Variants in TTLL5 observed in about 807,000 individuals in gnomAD.
TTLL5 encodes the protein tubulin tyrosine ligase like 5, also known as tubulin polyglutamylase TTLL5.
A neutral mutation model predicts 168.4 loss-of-function variants in TTLL5; 132 were observed. That is an observed-to-expected ratio of 0.78 (90% CI 0.68 to 0.91). The LOEUF (loss-of-function observed/expected upper bound fraction) is 0.91. TTLL5 is among the 40% of genes least tolerant of loss of function. The pLI is 0.00. For synonymous variants in TTLL5, 546 were observed against 558.6 expected (o/e 0.98, Z 0.32); for missense variants, 1,545 against 1,581.5 (o/e 0.98, Z 0.39).
At chr14:75,770,987 T>A (rs185879150) in intron 20 of TTLL5, among the ~76,000 whole-genome samples, 1 of 152,244 alleles carries the variant, frequency 6.6e-6, no homozygotes, top group Non-Finnish European at 1.5e-5. Flanking sequence ...TAATTGCCAT[T>A]GCAAAATCCA....
At chr14:75,897,430 T>C (rs1391724316) in intron 30 of TTLL5, among the ~76,000 whole-genome samples, 1 of 152,180 alleles carries the variant, frequency 6.6e-6, no homozygotes, top group Non-Finnish European at 1.5e-5. Flanking sequence ...AATCAGGCAG[T>C]GTGCTCTTAA....
rs769130141 is a variant in TTLL5, at chr14:75,793,097, A to G, written c.3168A>G (p.Gln1056=). 1 of 1,608,252 alleles carries G rather than the reference A, an allele frequency of 6.2e-7. No individual in the cohort carries two copies. The highest frequency in any genetic ancestry group is 8.5e-7 in the Non-Finnish European group (1 of 1,176,566). ...SPSSHINLLT[Q]QVTNLNLATG... is the part of the protein sequence containing the mutation. ...CCAGCCACATCAACCTCCTCACCCA[A>G]CAGGTACGGATGGTCTGGGGTGTCC... Residue 1056 remains glutamine, a synonymous_variant, in exon 27 of 32, where the codon CAA becomes CAG. Transcript: ENST00000298832.
intron 28 of TTLL5, among the ~76,000 whole-genome samples, chr14:75,854,868 C>A (rs558095996): frequency 7.9e-5 from 12 of 152,202 alleles, no homozygotes; most frequent in Non-Finnish European, 1.8e-4. Context: ...TCAACAGTTA[C>A]CAATAGGGCA....
chr14:75,902,680 G>A (rs994975930), intron 31 of TTLL5: 9 of 454,058 alleles, frequency 2.0e-5, no homozygotes, highest in Middle Eastern at 3.3e-4. Context: ...TTTGATCTAC[G>A]TGTTGTGCTA....
intron 15 of TTLL5, among the ~76,000 whole-genome samples, chr14:75,743,667 C>T (rs1023366685): frequency 9.4e-5 from 14 of 148,676 alleles, no homozygotes; most frequent in Non-Finnish European, 1.5e-4. Context: ...CTGCATGCTC[C>T]GCCTCCTGGG....
At chr14:75,912,701 T>A (rs13379297) in intron 31 of TTLL5, among the ~76,000 whole-genome samples, 1 of 152,280 alleles carries the variant, frequency 6.6e-6, no homozygotes, top group Admixed American at 6.5e-5. Flanking sequence ...TTCCTAGTAT[T>A]GGTTCTAAAG....
chr14:75,766,321 G>A lies in TTLL5; in HGVS notation c.1968G>A (p.Glu656=), dbSNP rs1200293120. 3 of 1,613,688 alleles carry A rather than the reference G, an allele frequency of 1.9e-6. No homozygotes were observed. The highest frequency in any genetic ancestry group is 2.2e-5 in the East Asian group (1 of 44,882). The change falls in exon 20 of 32, where the codon GAG becomes GAA. Residue 656 remains glutamate, a synonymous_variant. Transcript: ENST00000298832. Reference sequence around the variant, plus strand: ...GCAAACTTGAGACTCAGGAGCTAGAGCCTAAATTTAACCTGATGCAGATTC... The same window carrying A: ...GCAAACTTGAGACTCAGGAGCTAGAACCTAAATTTAACCTGATGCAGATTC... The part of the protein sequence containing the change: ...HCCKLETQEL[E]PKFNLMQILQ...
chr14:75,892,502 A>AGGAGACATTTGGCAATATCT (rs1374548026), intron 30 of TTLL5, among the ~76,000 whole-genome samples: 1 of 152,212 alleles, frequency 6.6e-6, no homozygotes, highest in Non-Finnish European at 1.5e-5. Context: ...TTTCCCCCCC[A>AGGAGACATTTGGCAATATCT]GGAGACATTT....
intron 28 of TTLL5, among the ~76,000 whole-genome samples, chr14:75,849,810 T>C (rs1308509334): frequency 1.3e-5 from 2 of 152,226 alleles, no homozygotes; most frequent in South Asian, 2.1e-4. Flanking sequence ...TTAAGAATAT[T>C]TGGTGACTGG....
chr14:75,739,744 A>G (rs1566583063), intron 15 of TTLL5, among the ~76,000 whole-genome samples: 1 of 152,184 alleles, frequency 6.6e-6, no homozygotes, highest in Non-Finnish European at 1.5e-5. Flanking sequence ...TGGGGATAAT[A>G]ATATATACAT....
intron 9 of TTLL5, among the ~76,000 whole-genome samples, chr14:75,715,105 G>T (rs1340953722): frequency 6.6e-6 from 1 of 151,770 alleles, no homozygotes; most frequent in Non-Finnish European, 1.5e-5. Context: ...TTATTTATTT[G>T]CTCAATTCCT....
chr14:75,924,147 CACACTGATGGGTCTTG>C (rs1369573116), intron 31 of TTLL5, among the ~76,000 whole-genome samples: 1 of 151,586 alleles, frequency 6.6e-6, no homozygotes, highest in African/African-American at 2.4e-5. Flanking sequence ...CTTAATACAG[CACACTGATGGGTCTTG>C]ACTCTTTATC....
At chr14:75,711,309 C>G (rs1887061880) in intron 9 of TTLL5, 1 of 152,102 alleles carries the variant, frequency 6.6e-6, no homozygotes, top group Non-Finnish European at 1.5e-5. Context: ...TTTTGCACCA[C>G]CAGGGGACAC....
intron 31 of TTLL5, among the ~76,000 whole-genome samples, chr14:75,944,307 A>G (rs1051766176): frequency 2.0e-5 from 3 of 152,146 alleles, no homozygotes; most frequent in African/African-American, 7.2e-5. Flanking sequence ...GCTTCAGATG[A>G]TCCTCAGTGA....
Position 75,764,943 on chromosome 14 carries a change from C to T in TTLL5, c.1708+171C>T, listed in dbSNP as rs546161048. On this transcript the variant is annotated intron_variant, in intron 19 of 31. Coordinates refer to ENST00000298832, the MANE Select transcript of TTLL5 (RefSeq NM_015072.5). ...TCAACAAAGTCTTAAGTTTTTAAAC[C>T]TTCCACTCTATAATATTTGTATTGA... Among the ~76,000 whole-genome samples the T allele has an allele frequency of 3.1e-4, 47 of 152,196 alleles. 1 individual carries two copies. The South Asian group carries it at 9.3e-3, about 30-fold the overall frequency.
At chr14:75,671,931 T>C (rs1468794342) in intron 3 of TTLL5, among the ~76,000 whole-genome samples, 1 of 152,208 alleles carries the variant, frequency 6.6e-6, no homozygotes, top group Non-Finnish European at 1.5e-5. Context: ...AAAGAGGGTG[T>C]CTTTGTCTTG....
chr14:75,881,597 G>A (rs2031814553), intron 29 of TTLL5, among the ~76,000 whole-genome samples: 1 of 152,182 alleles, frequency 6.6e-6, no homozygotes, highest in Non-Finnish European at 1.5e-5. Context: ...CTGTCTAGAA[G>A]ATGAATATTT....
Position 75,732,409 on chromosome 14 carries a change from T to G in TTLL5, c.1114T>G (p.Ser372Ala). ...GTTGTTGGAAGTGAATCTCTCTCCT[T>G]CTTTGGCCTGGTAAGTCAGTTCCAT... is the stretch of plus-strand genomic sequence containing the variant. ...PWLLEVNLSP[S>A]LACDAPLDLK... The change falls in exon 13 of 32, where the codon TCT becomes GCT. Residue 372 changes from serine to alanine, a missense_variant. Coordinates refer to ENST00000298832, the MANE Select transcript of TTLL5 (RefSeq NM_015072.5). 1 of 1,613,832 alleles carries G rather than the reference T, an allele frequency of 6.2e-7. No homozygotes were observed. The highest frequency in any genetic ancestry group is 8.5e-7 in the Non-Finnish European group (1 of 1,179,836).
At chr14:75,831,401 G>A (rs563582791) in intron 28 of TTLL5, among the ~76,000 whole-genome samples, 1 of 152,304 alleles carries the variant, frequency 6.6e-6, no homozygotes, top group East Asian at 1.9e-4. Context: ...GGCCAACTGA[G>A]AGGAAGGGGT....
Sources: gnomAD v4.1 joint callset for allele counts (sites outside exome capture counted in the v4.1 genomes callset) on GRCh38, gnomAD v4.1.1 for gene constraint, MANE v1.5 for transcripts, NCBI Gene and HGNC (gene_info 2026-07-23, HGNC 2026-07-21) for gene names.